The following CBFA2T2 variants were observed in gnomAD, a reference collection of about 807,000 sequenced individuals.
CBFA2T2 encodes CBFA2/RUNX1 partner transcriptional co-repressor 2.
In CBFA2T2, 11 loss-of-function variants were observed where a neutral mutation model predicts 62.2. The observed-to-expected ratio is 0.18, with a 90% CI of 0.11 to 0.29. CBFA2T2 has a LOEUF of 0.29. Among genes scored for constraint, CBFA2T2 ranks in the 10% least tolerant of loss-of-function variants. The pLI, the probability that CBFA2T2 is intolerant of heterozygous loss-of-function variation, is 1.00. For synonymous variants in CBFA2T2, 295 were observed against 287.5 expected, an observed-to-expected ratio of 1.03 and a Z score of -0.27; for missense variants, 592 against 774.1, an observed-to-expected ratio of 0.76 and a Z score of 2.79.
chr20:33,633,961 T>TTTG lies in CBFA2T2; in HGVS notation c.1229-2677_1229-2676insGTT, dbSNP rs1555849592. On this transcript the variant is annotated intron_variant, in intron 8 of 10. Coordinates refer to ENST00000342704, the MANE Select transcript of CBFA2T2 (RefSeq NM_001032999.3). Reference sequence around the variant, plus strand: ...ATCTAACTTTGCAAGTAAAATTTTTTTTTGTTTGTTTGTTTGTTTTTGTTT... The same window carrying TTTG: ...ATCTAACTTTGCAAGTAAAATTTTTTTTGTTTGTTTGTTTGTTTGTTTTTGTTT... Among the ~76,000 whole-genome samples, 9 of 152,268 alleles carry TTTG rather than the reference T, an allele frequency of 5.9e-5. No homozygotes were observed. In the East Asian group the frequency reaches 1.2e-3, roughly 20 times the overall value.
At chr20:33,598,608 T>C (rs1049404940) in intron 1 of CBFA2T2, among the ~76,000 whole-genome samples, 3 of 152,174 alleles carry the variant, frequency 2.0e-5, no homozygotes, top group African/African-American at 7.2e-5. Context: ...ATTTGTGCAG[T>C]TAATGCAATT....
chr20:33,602,601 C>T (rs796447665), intron 1 of CBFA2T2, among the ~76,000 whole-genome samples: 11 of 152,090 alleles, frequency 7.2e-5, no homozygotes, highest in East Asian at 1.9e-4. Flanking sequence ...CCAAGACCTC[C>T]GGTGGATGCC....
chr20:33,556,533 C>A (rs2012900870), intron 1 of CBFA2T2, among the ~76,000 whole-genome samples: 1 of 152,112 alleles, frequency 6.6e-6, no homozygotes, highest in Non-Finnish European at 1.5e-5. Context: ...ATGAAGTTGT[C>A]CTGTTTTTCA....
intron 1 of CBFA2T2, among the ~76,000 whole-genome samples, chr20:33,605,715 G>A (rs1479663576): frequency 6.6e-6 from 1 of 152,068 alleles, no homozygotes; most frequent in Non-Finnish European, 1.5e-5. Context: ...ACAATGTATA[G>A]CATGAATGAC....
At chr20:33,499,079 G>A (rs942207806) in intron 1 of CBFA2T2, among the ~76,000 whole-genome samples, 9 of 151,798 alleles carry the variant, frequency 5.9e-5, no homozygotes, top group African/African-American at 2.2e-4. Flanking sequence ...GAGAGATTGA[G>A]TTTAAGCTTG....
chr20:33,582,755 A>G (rs2014179172), intron 1 of CBFA2T2, among the ~76,000 whole-genome samples: 1 of 152,184 alleles, frequency 6.6e-6, no homozygotes, highest in Non-Finnish European at 1.5e-5. Context: ...TAGCCTGGCC[A>G]ACATGGCAAA....
At chr20:33,582,575 C>A (rs1247212356) in intron 1 of CBFA2T2, among the ~76,000 whole-genome samples, 2 of 151,944 alleles carry the variant, frequency 1.3e-5, no homozygotes, top group African/African-American at 4.8e-5. Flanking sequence ...AATCCCAGCA[C>A]TTTGGGAGGC....
rs577696697 is a variant in CBFA2T2, at chr20:33,647,496, C to G, written c.*2850C>G. On this transcript the variant is annotated 3_prime_UTR_variant, in exon 11 of 11. Transcript: ENST00000342704. ...ACGGGGTTTCTCCTTGTTGGTCAGG[C>G]TGGTCTCAAACCCCGGACCTCAGGT... 1 of 152,308 alleles carries G rather than the reference C, an allele frequency of 6.6e-6. No individual in the cohort carries two copies. The highest frequency in any genetic ancestry group is 1.9e-4 in the East Asian group (1 of 5,182). The allele number at this position is 152,308 out of a possible 1,614,324, so 9.4% of individuals were successfully genotyped here. A position where few individuals can be genotyped will look rare whatever the true frequency, so the allele number is the denominator to read the frequency against.
chr20:33,490,695 C>G (rs1192338528), intron 1 of CBFA2T2, among the ~76,000 whole-genome samples: 1 of 152,176 alleles, frequency 6.6e-6, no homozygotes, highest in African/African-American at 2.4e-5. Flanking sequence ...GAGAATGGCC[C>G]CTCGGAGGGC....
At chr20:33,589,526 T>C (rs1303199547) in intron 1 of CBFA2T2, among the ~76,000 whole-genome samples, 1 of 152,250 alleles carries the variant, frequency 6.6e-6, no homozygotes, top group Non-Finnish European at 1.5e-5. Context: ...CAGATTTCTC[T>C]GGAAACGAGT....
In CBFA2T2 at chr20:33,549,861, CTT is replaced by C. The variant is rs368043905; in HGVS notation, c.35-57076_35-57075del. On this transcript the variant is annotated intron_variant, in intron 1 of 10. Transcript: ENST00000342704. Reference sequence around the variant, plus strand: ...ATTTATGTATAATAGATGGCTGCTGCTTTTTTTTTTTTTTTTTTTTCTCTAAA... The same window carrying C: ...ATTTATGTATAATAGATGGCTGCTGCTTTTTTTTTTTTTTTTTTCTCTAAA... 1.7e-3 allele frequency among the ~76,000 whole-genome samples: 215 copies of C among 124,236 alleles called. 1 individual carries two copies. The highest frequency in any genetic ancestry group is 5.6e-3 in the African/African-American group (186 of 32,980). 81.5% of individuals were successfully genotyped at this position (124,236 alleles called of 152,430 possible). A position where few individuals can be genotyped will look rare whatever the true frequency, so the allele number is the denominator to read the frequency against.
chr20:33,611,257 T>C lies in CBFA2T2; in HGVS notation c.342T>C (p.Leu114=). The C allele has an allele frequency of 3.1e-6, 5 of 1,614,176 alleles. No individual in the cohort carries two copies. The highest frequency in any genetic ancestry group is 4.2e-6 in the Non-Finnish European group (5 of 1,180,016). The part of the protein sequence containing the change: ...ARQLSKLKRF[L]TTLQQFGNDI... ...AACTCAGCAAGTTGAAACGCTTTCT[T>C]ACCACTCTGCAACAGTTTGGCAATG... Residue 114 remains leucine, a synonymous_variant, in exon 3 of 11, where the codon CTT becomes CTC. Transcript: ENST00000342704.
At chr20:33,559,193 T>TTTTTTTC (rs1555835221) in intron 1 of CBFA2T2, among the ~76,000 whole-genome samples, 5 of 144,006 alleles carry the variant, frequency 3.5e-5, no homozygotes, top group African/African-American at 1.4e-4. Context: ...TTTTTTTTTT[T>TTTTTTTC]CTGAGATGGA....
At chr20:33,606,825 C>CT (rs1395146968) in intron 1 of CBFA2T2, 131 bp from the exon 2 acceptor site, 2 of 804,802 alleles carry the variant, frequency 2.5e-6, no homozygotes, top group Non-Finnish European at 4.0e-6. Context: ...GTGGACATAT[C>CT]TTTTAGGGGG....
At chr20:33,546,525 C>T (rs929575739) in intron 1 of CBFA2T2, among the ~76,000 whole-genome samples, 1 of 151,164 alleles carries the variant, frequency 6.6e-6, no homozygotes, top group African/African-American at 2.4e-5. Context: ...TTTACCTGCT[C>T]AGCTCTAGCA....
chr20:33,558,131 T>G (rs1027673235), intron 1 of CBFA2T2, among the ~76,000 whole-genome samples: 14 of 150,376 alleles, frequency 9.3e-5, no homozygotes, highest in Non-Finnish European at 1.5e-4. Context: ...CTGGGCGCGC[T>G]CTCTCTTTTT....
At chr20:33,574,252 CA>C in intron 1 of CBFA2T2, 3 of 1,612,580 alleles carry the variant, frequency 1.9e-6, no homozygotes, top group Non-Finnish European at 2.5e-6. Context: ...CCTGGCAAGG[CA>C]ATGGAAAGGT....
At chr20:33,544,844 C>T (rs2012493796) in intron 1 of CBFA2T2, among the ~76,000 whole-genome samples, 3 of 152,118 alleles carry the variant, frequency 2.0e-5, no homozygotes, top group Non-Finnish European at 4.4e-5. Context: ...TGTGCCCGGC[C>T]TATGTGGTTT....
At chr20:33,552,778 A>G (rs2012773465) in intron 1 of CBFA2T2, among the ~76,000 whole-genome samples, 1 of 152,148 alleles carries the variant, frequency 6.6e-6, no homozygotes, top group Non-Finnish European at 1.5e-5. Context: ...CTGCACGTTT[A>G]ATGCTGTCCA....
Sources: gnomAD v4.1 joint callset for allele counts (sites outside exome capture counted in the v4.1 genomes callset) on GRCh38, gnomAD v4.1.1 for gene constraint, MANE v1.5 for transcripts, NCBI Gene and HGNC (gene_info 2026-07-23, HGNC 2026-07-21) for gene names.